The following SMIM36 variants were observed in gnomAD, a reference collection of about 807,000 sequenced individuals.
The protein encoded by SMIM36 is small integral membrane protein 36.
intron 3 of SMIM36, among the ~76,000 whole-genome samples, chr17:55,470,096 T>C (rs1216976704): frequency 2.6e-5 from 4 of 152,184 alleles, no homozygotes; most frequent in Admixed American, 2.6e-4. Context: ...ATCTGGCCAC[T>C]GGACCAAGGA....
At chr17:55,500,437 A>C (rs1239913122) in intron 1 of SMIM36, among the ~76,000 whole-genome samples, 1 of 151,970 alleles carries the variant, frequency 6.6e-6, no homozygotes. Context: ...TAAAATTCTT[A>C]GTTCTAGTTC....
At chr17:55,494,079 G>A (rs1242504823) in intron 1 of SMIM36, among the ~76,000 whole-genome samples, 2 of 152,078 alleles carry the variant, frequency 1.3e-5, no homozygotes, top group East Asian at 1.9e-4. Flanking sequence ...TGTTTCCATA[G>A]GATAGTATTC....
At chr17:55,471,508 C>A (rs1336393474) in intron 3 of SMIM36, among the ~76,000 whole-genome samples, 2 of 150,984 alleles carry the variant, frequency 1.3e-5, no homozygotes, top group African/African-American at 4.8e-5. Flanking sequence ...AGACCCCAAT[C>A]CCCACCACCA....
At chr17:55,495,881 T>C (rs1448058362) in intron 1 of SMIM36, among the ~76,000 whole-genome samples, 1 of 152,178 alleles carries the variant, frequency 6.6e-6, no homozygotes, top group African/African-American at 2.4e-5. Context: ...GTAGATTAAA[T>C]ACAGAGAAAT....
Position 55,460,110 on chromosome 17 carries a change from G to A in SMIM36, c.*531+7035C>T, listed in dbSNP as rs1439260040. 2.0e-5 allele frequency among the ~76,000 whole-genome samples: 3 copies of A among 152,082 alleles called. No individual in the cohort carries two copies. In the East Asian group the frequency reaches 5.8e-4, roughly 29 times the overall value. On this transcript the variant is annotated intron_variant, in intron 4 of 4. Coordinates refer to ENST00000636752, the Ensembl canonical transcript of SMIM36. ...TGCAGTTTTCAAAGTCCTATATGTT[G>A]TTAACTCATCATCCATAGATCTTAA...
chr17:55,460,450 AAC>A (rs749393888), intron 4 of SMIM36, among the ~76,000 whole-genome samples: 196 of 147,864 alleles, frequency 1.3e-3, no homozygotes, highest in Middle Eastern at 3.5e-3. Context: ...CAAAAAACAA[AAC>A]AAAAAAAAAG....
At chr17:55,454,673 T>C (rs979268811) in intron 4 of SMIM36, among the ~76,000 whole-genome samples, 1 of 152,200 alleles carries the variant, frequency 6.6e-6, no homozygotes. Context: ...AAAAGTGTGT[T>C]ATGGGCTTTC....
chr17:55,508,962 T>C (rs554206073), intron 1 of SMIM36, among the ~76,000 whole-genome samples: 242 of 149,368 alleles, frequency 1.6e-3, no homozygotes, highest in African/African-American at 5.7e-3. Flanking sequence ...TGAAGATGGC[T>C]TCTTGCTCAT....
intron 4 of SMIM36, among the ~76,000 whole-genome samples, chr17:55,460,432 A>AC (rs1909120999): frequency 1.1e-5 from 1 of 86,964 alleles, no homozygotes; most frequent in African/African-American, 4.3e-5. Context: ...CTGTCTGGAA[A>AC]CAAAAAACAA....
chr17:55,498,666 T>C (rs1317517902), intron 1 of SMIM36, among the ~76,000 whole-genome samples: 1 of 151,952 alleles, frequency 6.6e-6, no homozygotes, highest in Non-Finnish European at 1.5e-5. Context: ...ATCATTTTTT[T>C]AGTTGAGGAA....
At chr17:55,450,854 C>T (rs188297831) in intron 4 of SMIM36, among the ~76,000 whole-genome samples, 3 of 152,310 alleles carry the variant, frequency 2.0e-5, no homozygotes, top group Admixed American at 6.5e-5. Flanking sequence ...TTTCCATCTC[C>T]TTTGCCAGCA....
intron 1 of SMIM36, among the ~76,000 whole-genome samples, chr17:55,480,845 G>A (rs1014561013): frequency 1.3e-5 from 2 of 152,078 alleles, no homozygotes; most frequent in African/African-American, 4.8e-5. Context: ...GGGCAACCAT[G>A]ATTATCTCTT....
At chr17:55,476,076 G>T (rs1909421503) in intron 3 of SMIM36, among the ~76,000 whole-genome samples, 1 of 152,034 alleles carries the variant, frequency 6.6e-6, no homozygotes, top group Non-Finnish European at 1.5e-5. Context: ...AAGAAGACAG[G>T]AATGTCAGGC....
chr17:55,519,934 C>T, the SMIM36 span, among the ~76,000 whole-genome samples: 3,435 of 152,238 alleles, frequency 0.023, 63 homozygotes, highest in South Asian at 0.052. Context: ...TAACAAATTT[C>T]GTGGCTTAAA....
chr17:55,451,922 C>T (rs531035178), intron 4 of SMIM36, among the ~76,000 whole-genome samples: 1 of 151,784 alleles, frequency 6.6e-6, no homozygotes, highest in African/African-American at 2.4e-5. Flanking sequence ...CATAGTGAGA[C>T]CTTGTCGCCA....
chr17:55,452,102 C>CAAAAA (rs1156887430), intron 4 of SMIM36, among the ~76,000 whole-genome samples: 8 of 51,658 alleles, frequency 1.5e-4, no homozygotes, highest in African/African-American at 2.4e-4. Flanking sequence ...TCAATCTCTA[C>CAAAAA]AAAAAAAAAA....
At chr17:55,466,277 CAAAAAAAAAAAA>C (rs796506078) in intron 4 of SMIM36, among the ~76,000 whole-genome samples, 28 of 46,880 alleles carry the variant, frequency 6.0e-4, no homozygotes, top group African/African-American at 1.9e-3. Context: ...GACTCCGTCT[CAAAAAAAAAAAA>C]AAAAAAAAAA....
At chr17:55,466,277 CAAA>C (rs796506078) in intron 4 of SMIM36, among the ~76,000 whole-genome samples, 4 of 46,880 alleles carry the variant, frequency 8.5e-5, no homozygotes, top group South Asian at 1.0e-3. Flanking sequence ...GACTCCGTCT[CAAA>C]AAAAAAAAAA....
At chr17:55,476,573 T>A (rs1466381256) in intron 3 of SMIM36, among the ~76,000 whole-genome samples, 1 of 151,918 alleles carries the variant, frequency 6.6e-6, no homozygotes, top group Non-Finnish European at 1.5e-5. Context: ...CACTATTTTT[T>A]TTTTTTGTTT....
Sources: gnomAD v4.1 joint callset for allele counts (sites outside exome capture counted in the v4.1 genomes callset) on GRCh38, gnomAD v4.1.1 for gene constraint, MANE v1.5 for transcripts, NCBI Gene and HGNC (gene_info 2026-07-23, HGNC 2026-07-21) for gene names.